The following NFIL3 variants were observed in gnomAD, a reference collection of about 807,000 sequenced individuals.
NFIL3 encodes the protein nuclear factor, interleukin 3 regulated.
Under a neutral mutation model 10.0 loss-of-function variants are expected in NFIL3, and 5 were observed. That is an observed-to-expected ratio of 0.50 (90% CI 0.26 to 1.06). The LOEUF (loss-of-function observed/expected upper bound fraction) is 1.06, where lower values mean the gene tolerates loss of function less well. Among genes scored for constraint, NFIL3 ranks in the 50% least tolerant of loss-of-function variants. The pLI is 0.13. For missense variants in NFIL3, 436 were observed against 547.6 expected (o/e 0.80, Z 2.03); for synonymous variants, 202 against 206.5 (o/e 0.98, Z 0.19).
At chr9:91,413,489 G>T (rs1237316912) in intron 1 of NFIL3, among the ~76,000 whole-genome samples, 1 of 152,184 alleles carries the variant, frequency 6.6e-6, no homozygotes, top group Non-Finnish European at 1.5e-5. Context: ...GATCTCAGGT[G>T]ATTTGCCTGC....
the NFIL3 span, among the ~76,000 whole-genome samples, chr9:91,440,101 C>T: frequency 1.3e-5 from 2 of 152,150 alleles, no homozygotes; most frequent in Non-Finnish European, 2.9e-5. Context: ...ATTAGTTCCT[C>T]TTTGAATGTT....
chr9:91,416,158 CT>C (rs76390990), intron 1 of NFIL3, among the ~76,000 whole-genome samples: 560 of 139,344 alleles, frequency 4.0e-3, no homozygotes, highest in Middle Eastern at 0.011. Flanking sequence ...TGATCTTCTT[CT>C]TTTTTTTTTT....
intron 1 of NFIL3, among the ~76,000 whole-genome samples, chr9:91,411,995 G>A (rs1486648375): frequency 4.6e-5 from 7 of 150,592 alleles, no homozygotes; most frequent in South Asian, 2.1e-4. Flanking sequence ...CCAGCTACTC[G>A]GGAGGCTGAG....
chr9:91,469,626 C>T, the NFIL3 span, among the ~76,000 whole-genome samples: 1 of 152,174 alleles, frequency 6.6e-6, no homozygotes, highest in African/African-American at 2.4e-5. Context: ...AAAGGGAATG[C>T]TTCCAGTTTT....
rs1014559745 is a variant in NFIL3 at position 91,410,554 on chromosome 9, G to T, written c.181C>A (p.Arg61=). ...SVGKNKSSAC[R]RKREFIPDEK... ...TCAGGAATGAATTCCCGTTTCCTCC[G>T]ACATGCAGAAGATTTGTTCTTCCCC... Residue 61 remains arginine (R), a synonymous_variant, in exon 2 of 2, where the codon CGG becomes AGG. Coordinates refer to ENST00000297689, the MANE Select transcript of NFIL3 (RefSeq NM_005384.3). The surrounding 1 kb of genome is among the most constrained non-coding windows in gnomAD (Gnocchi z 5.7). The T allele has an allele frequency of 1.7e-5, 28 of 1,613,888 alleles. No homozygotes were observed. Among genetic ancestry groups the T allele is most frequent in the African/African-American group, 8.0e-5 (6 of 74,830 alleles).
chr9:91,450,887 T>G, the NFIL3 span, among the ~76,000 whole-genome samples: 13 of 152,198 alleles, frequency 8.5e-5, no homozygotes, highest in Non-Finnish European at 1.8e-4. Context: ...TCTGGCTTCC[T>G]GGCTACCAAA....
At chr9:91,427,204 T>G (rs1833881144), upstream of NFIL3, 1 of 152,068 alleles carries the variant, frequency 6.6e-6, no homozygotes, top group Non-Finnish European at 1.5e-5. Flanking sequence ...TAAAATATCC[T>G]GATTTTCAGT....
At chr9:91,442,346 C>A in the NFIL3 span, among the ~76,000 whole-genome samples, 5 of 152,170 alleles carry the variant, frequency 3.3e-5, no homozygotes, top group Non-Finnish European at 5.9e-5. Context: ...TGGCACGATG[C>A]TTTTCTCTTG....
Position 91,410,099 on chromosome 9 carries a change from T to C in NFIL3, c.636A>G (p.Glu212=). ...CTTGCTTGATAATCTGGAACTTGTT[T>C]TCAGGACTTCTGCAGCTTCCCTGCA... The part of the protein sequence containing the change: ...SSVQGSCRSP[E]NKFQIIKQEP... Residue 212 remains glutamate (E), a synonymous_variant, in exon 2 of 2, where the codon GAA becomes GAG. Coordinates refer to ENST00000297689, the MANE Select transcript of NFIL3 (RefSeq NM_005384.3). This position sits in a 1 kb window ranked among gnomAD's most constrained non-coding sequence, Gnocchi z 5.7. 6.2e-7 allele frequency: 1 copy of C among 1,613,978 alleles called. No individual in the cohort carries two copies. The highest frequency in any genetic ancestry group is 8.5e-7 in the Non-Finnish European group (1 of 1,180,022).
the NFIL3 span, among the ~76,000 whole-genome samples, chr9:91,430,439 C>G: frequency 6.6e-6 from 1 of 152,120 alleles, no homozygotes; most frequent in Admixed American, 6.5e-5. Flanking sequence ...GGGCCAGAAA[C>G]TAAGCCAGGC....
the NFIL3 span, among the ~76,000 whole-genome samples, chr9:91,482,432 GTGATGA>G: frequency 1.9e-4 from 29 of 150,628 alleles, no homozygotes; most frequent in African/African-American, 4.4e-4. Flanking sequence ...CCAGGGCTGG[GTGATGA>G]TGATGATGAT....
At chr9:91,449,140 A>G in the NFIL3 span, among the ~76,000 whole-genome samples, 1 of 152,208 alleles carries the variant, frequency 6.6e-6, no homozygotes, top group Non-Finnish European at 1.5e-5. Flanking sequence ...ATTTTCTATA[A>G]GTAAGACAAT....
Position 91,410,372 on chromosome 9 carries a change from T to C in NFIL3, c.363A>G (p.Ser121=). 1 of 1,613,918 alleles carries C rather than the reference T, an allele frequency of 6.2e-7. No homozygotes were observed. The highest frequency in any genetic ancestry group is 2.2e-5 in the East Asian group (1 of 44,886). ...TAATTAAACCAAACTTTAATTTTAG[T>C]GAAAGCAGCTCAGCTTTTAAAGTGG... The part of the protein sequence containing the change: ...ENATLKAELL[S]LKLKFGLISS... Residue 121 remains serine (S), a synonymous_variant, in exon 2 of 2, where the codon TCA becomes TCG. Coordinates refer to ENST00000297689, the MANE Select transcript of NFIL3 (RefSeq NM_005384.3). This position sits in a 1 kb window ranked among gnomAD's most constrained non-coding sequence, Gnocchi z 5.7.
At chr9:91,471,687 C>G in the NFIL3 span, among the ~76,000 whole-genome samples, 1 of 152,038 alleles carries the variant, frequency 6.6e-6, no homozygotes, top group East Asian at 1.9e-4. Context: ...TTAATTGGAG[C>G]ATTTAACCCA....
the NFIL3 span, among the ~76,000 whole-genome samples, chr9:91,460,801 C>T: frequency 1.3e-5 from 2 of 152,176 alleles, no homozygotes; most frequent in Admixed American, 6.5e-5. Flanking sequence ...GCTCATAATG[C>T]ATGGCATATG....
the NFIL3 span, among the ~76,000 whole-genome samples, chr9:91,464,890 C>T: frequency 6.6e-6 from 1 of 152,250 alleles, no homozygotes; most frequent in Admixed American, 6.5e-5. Context: ...CTTCCAAAAA[C>T]TAATCTCTAT....
chr9:91,469,926 G>A, the NFIL3 span, among the ~76,000 whole-genome samples: 5 of 152,052 alleles, frequency 3.3e-5, no homozygotes, highest in Non-Finnish European at 2.9e-5. Context: ...TGCTGGATTC[G>A]GTTTGCCAGT....
At chr9:91,478,598 G>A in the NFIL3 span, among the ~76,000 whole-genome samples, 1 of 151,914 alleles carries the variant, frequency 6.6e-6, no homozygotes, top group African/African-American at 2.4e-5. Flanking sequence ...TGCTCCTTTA[G>A]CTCGGAGGAG....
chr9:91,437,314 A>G, the NFIL3 span, among the ~76,000 whole-genome samples: 1 of 152,258 alleles, frequency 6.6e-6, no homozygotes, highest in Non-Finnish European at 1.5e-5. Flanking sequence ...GATGTATTAC[A>G]TGTTATATTT....
Sources: allele counts gnomAD v4.1 joint callset (sites outside exome capture counted in the v4.1 genomes callset), GRCh38; gene constraint gnomAD v4.1.1; non-coding constraint Gnocchi (gnomAD v3.1); transcripts MANE v1.5; gene names NCBI Gene and HGNC (gene_info 2026-07-23, HGNC 2026-07-21).